Variants in TIMP2 observed in about 807,000 individuals in gnomAD.
The protein encoded by TIMP2 is TIMP metallopeptidase inhibitor 2.
In TIMP2, 5 loss-of-function variants were observed where a neutral mutation model predicts 24.3. The ratio of observed to expected loss-of-function variants is 0.21; its 90% CI spans 0.11 to 0.43. The LOEUF is 0.43. TIMP2 is among the 20% of genes least tolerant of loss of function. The probability of loss-of-function intolerance (pLI) is 1.00; values close to 1 mark genes in which losing one functional copy is unlikely to be tolerated. For missense variants in TIMP2, 221 were observed against 297.5 expected (o/e 0.74, Z 1.89); for synonymous variants, 130 against 123.2 (o/e 1.06, Z -0.37).
At chr17:78,906,499 T>C (rs768715465) in intron 1 of TIMP2, among the ~76,000 whole-genome samples, 7 of 152,218 alleles carry the variant, frequency 4.6e-5, no homozygotes, top group Non-Finnish European at 7.3e-5. Context: ...TGCCTCCATG[T>C]TGATGGCTGC....
At chr17:78,861,644 C>G (rs551822074) in intron 3 of TIMP2, among the ~76,000 whole-genome samples, 1 of 151,462 alleles carries the variant, frequency 6.6e-6, no homozygotes, top group East Asian at 1.9e-4. Flanking sequence ...GCTCTGTCAC[C>G]GAGGCTGGAG....
intron 1 of TIMP2, among the ~76,000 whole-genome samples, chr17:78,911,430 T>G (rs2070206248): frequency 7.8e-6 from 1 of 127,418 alleles, no homozygotes; most frequent in African/African-American, 3.0e-5. Flanking sequence ...TTGTTTTTGT[T>G]TTTTGTTTTT....
chr17:78,913,177 C>T (rs1362497172), intron 1 of TIMP2, among the ~76,000 whole-genome samples: 1 of 152,148 alleles, frequency 6.6e-6, no homozygotes, highest in African/African-American at 2.4e-5. Context: ...GGCCGACTGC[C>T]GGCTACAGGA....
At chr17:78,856,295 G>C (rs892362232) in intron 4 of TIMP2, 2 of 190,716 alleles carry the variant, frequency 1.0e-5, no homozygotes, top group Non-Finnish European at 2.2e-5. Context: ...GGCTACAAGA[G>C]GATGACCGCC....
At chr17:78,888,963 G>C (rs1481492673) in intron 1 of TIMP2, among the ~76,000 whole-genome samples, 1 of 152,184 alleles carries the variant, frequency 6.6e-6, no homozygotes, top group Admixed American at 6.5e-5. Flanking sequence ...TTGGAAGGGA[G>C]GGAGAGAGAC....
Position 78,870,649 on chromosome 17 carries a change from G to T in TIMP2, c.340+249C>A, listed in dbSNP as rs1234396834. Among the ~76,000 whole-genome samples the T allele has an allele frequency of 2.6e-5, 4 of 152,074 alleles. No homozygotes were observed. The East Asian group carries it at 7.7e-4, about 29-fold the overall frequency. On this transcript the variant is annotated intron_variant, in intron 3 of 4. Coordinates refer to ENST00000262768, the MANE Select transcript of TIMP2 (RefSeq NM_003255.5). ...CATCCCGCACTCGCCTCCCTTTTAGGAACAAAAGGCAAAAATGCTCCCTTT... is the reference window on the plus strand; with the variant it reads ...CATCCCGCACTCGCCTCCCTTTTAGTAACAAAAGGCAAAAATGCTCCCTTT...
intron 3 of TIMP2, 89 bp downstream of exon 3, chr17:78,870,809 C>A (rs893881728): frequency 4.3e-6 from 5 of 1,160,002 alleles, no homozygotes; most frequent in Admixed American, 3.7e-5. Flanking sequence ...CTCCCCACCC[C>A]CCGAGCCTGG....
chr17:78,879,927 C>T (rs546584056), intron 1 of TIMP2, among the ~76,000 whole-genome samples: 17 of 151,984 alleles, frequency 1.1e-4, no homozygotes, highest in African/African-American at 1.7e-4. Flanking sequence ...GGAAAAGAAC[C>T]GGGTGGGCGG....
At chr17:78,866,129 G>T (rs1188922794) in intron 3 of TIMP2, among the ~76,000 whole-genome samples, 1 of 152,152 alleles carries the variant, frequency 6.6e-6, no homozygotes, top group Admixed American at 6.5e-5. Context: ...AATTTTAAAG[G>T]TTTAATACAG....
chr17:78,904,438 C>T (rs1048917254), intron 1 of TIMP2: 1 of 151,978 alleles, frequency 6.6e-6, no homozygotes, highest in African/African-American at 2.4e-5. Context: ...GTCCAAATCT[C>T]GGGGAGGATG....
chr17:78,874,046 C>T (rs888176050), intron 1 of TIMP2, 127 bp from the exon 2 acceptor site: 15 of 748,870 alleles, frequency 2.0e-5, no homozygotes, highest in Middle Eastern at 2.4e-4. Flanking sequence ...AGGTGCGAGA[C>T]GGGCAAGGGG....
In TIMP2 at chr17:78,869,315, T is replaced by C. The variant is rs369817837; in HGVS notation, c.340+1583A>G. ...ACACCTGTAGTTGATCTCAGCACTT[T>C]GGGAGGCTGAGGCGAGAGGATCACT... On this transcript the variant is annotated intron_variant, in intron 3 of 4. Coordinates refer to ENST00000262768, the MANE Select transcript of TIMP2 (RefSeq NM_003255.5). 1.1e-4 allele frequency among the ~76,000 whole-genome samples: 16 copies of C among 150,764 alleles called. 3 individuals carry two copies. Among genetic ancestry groups the C allele is most frequent in the East Asian group, 4.0e-4 (2 of 5,062 alleles).
At chr17:78,865,624 CAAA>C (rs35179698) in intron 3 of TIMP2, among the ~76,000 whole-genome samples, 2 of 117,726 alleles carry the variant, frequency 1.7e-5, no homozygotes. Flanking sequence ...AACTCTGTCT[CAAA>C]AAAAAAAAAA....
chr17:78,861,365 T>C (rs2069565809), intron 3 of TIMP2, among the ~76,000 whole-genome samples: 1 of 152,186 alleles, frequency 6.6e-6, no homozygotes, highest in Non-Finnish European at 1.5e-5. Context: ...CGCTCCTTAA[T>C]CAGAGAGTAC....
At chr17:78,882,910 G>C (rs1185508573) in intron 1 of TIMP2, among the ~76,000 whole-genome samples, 1 of 152,250 alleles carries the variant, frequency 6.6e-6, no homozygotes, top group African/African-American at 2.4e-5. Context: ...GCAGTCAGAG[G>C]GTCTCCCCCG....
chr17:78,903,721 CACAG>C (rs925966147), intron 1 of TIMP2, among the ~76,000 whole-genome samples: 19 of 152,228 alleles, frequency 1.2e-4, no homozygotes, highest in South Asian at 4.1e-4. Flanking sequence ...GCTAGTTCCC[CACAG>C]ACAGTTTGAT....
chr17:78,891,013 G>A lies in TIMP2; in HGVS notation c.131-17094C>T. On this transcript the variant is annotated intron_variant, in intron 1 of 4. Coordinates refer to ENST00000262768, the MANE Select transcript of TIMP2 (RefSeq NM_003255.5). This position sits in a 1 kb window ranked among gnomAD's most constrained non-coding sequence, Gnocchi z 4.5. ...TCTGCCTTTGCCTGGATGCCGTCGA[G>A]CCCACTCTGTCTGCCTGGTCTTGAA... 4 of 1,551,138 alleles carry A rather than the reference G, an allele frequency of 2.6e-6. No individual in the cohort carries two copies. Among genetic ancestry groups the A allele is most frequent in the Non-Finnish European group, 3.5e-6 (4 of 1,147,122 alleles).
chr17:78,858,632 C>T (rs1267616910), intron 3 of TIMP2, among the ~76,000 whole-genome samples: 8 of 152,204 alleles, frequency 5.3e-5, no homozygotes, highest in African/African-American at 1.2e-4. Flanking sequence ...GCGATCCTCC[C>T]GTCTCAGTCT....
chr17:78,890,805 A>G (rs1294031079), intron 1 of TIMP2: 1 of 1,550,384 alleles, frequency 6.5e-7, no homozygotes, highest in Non-Finnish European at 8.7e-7. Flanking sequence ...CTGAGCTCAG[A>G]TCCTCTCTCC....
Sources: gnomAD v4.1 joint callset for allele counts (sites outside exome capture counted in the v4.1 genomes callset) on GRCh38, gnomAD v4.1.1 for gene constraint, Gnocchi (gnomAD v3.1) non-coding constraint, MANE v1.5 for transcripts, NCBI Gene and HGNC (gene_info 2026-07-23, HGNC 2026-07-21) for gene names.